Variants in NXPH2 observed in about 807,000 individuals in gnomAD.
NXPH2 encodes the protein neurexophilin-2.
In NXPH2, 5 loss-of-function variants were observed where a neutral mutation model predicts 19.8. The ratio of observed to expected loss-of-function variants is 0.25; its 90% CI spans 0.13 to 0.53. NXPH2 has a LOEUF of 0.53. NXPH2 is among the 20% of genes least tolerant of loss of function. The pLI, the probability that NXPH2 is intolerant of heterozygous loss-of-function variation, is 0.96. For missense variants in NXPH2, 289 were observed against 322.8 expected (o/e 0.90, Z 0.80); for synonymous variants, 154 against 127.4 (o/e 1.21, Z -1.41).
chr2:138,734,047 C>T (rs1162572179), intron 1 of NXPH2, among the ~76,000 whole-genome samples: 2 of 152,144 alleles, frequency 1.3e-5, no homozygotes, highest in Admixed American at 1.3e-4. Flanking sequence ...TAGTTCAAGA[C>T]CTGTCTGGCC....
intron 1 of NXPH2, among the ~76,000 whole-genome samples, chr2:138,736,947 A>G (rs943689052): frequency 1.3e-5 from 2 of 152,176 alleles, no homozygotes; most frequent in African/African-American, 4.8e-5. Flanking sequence ...TCCAGTTCCC[A>G]ACAAGTTCCT....
At chr2:138,772,000 C>A (rs1406625047) in intron 1 of NXPH2, among the ~76,000 whole-genome samples, 1 of 152,170 alleles carries the variant, frequency 6.6e-6, no homozygotes, top group African/African-American at 2.4e-5. Context: ...TATTAATGCT[C>A]TCAAATTCTA....
chr2:138,688,355 A>G (rs1270435994), intron 1 of NXPH2, among the ~76,000 whole-genome samples: 1 of 151,932 alleles, frequency 6.6e-6, no homozygotes, highest in Non-Finnish European at 1.5e-5. Context: ...AACTTTTTGT[A>G]TTTTTTAGTA....
rs571120205 is a variant in NXPH2 at position 138,684,898 on chromosome 2, C to A, written c.52-13233G>T. Among the ~76,000 whole-genome samples, 21 of 152,318 alleles carry A rather than the reference C, an allele frequency of 1.4e-4. 1 individual carries two copies. The highest frequency in any genetic ancestry group is 5.1e-4 in the African/African-American group (21 of 41,578). On this transcript the variant is annotated intron_variant, in intron 1 of 1. Transcript: ENST00000272641. ...TACTGGCAGTATAAAATTTTCAAAA[C>A]TTTTTCAGTCTCCTGTGAAATTCAT... is the stretch of plus-strand genomic sequence containing the variant.
chr2:138,711,738 T>G (rs1681108444), intron 1 of NXPH2, among the ~76,000 whole-genome samples: 1 of 152,214 alleles, frequency 6.6e-6, no homozygotes, highest in Non-Finnish European at 1.5e-5. Flanking sequence ...CTCCAGCTCC[T>G]GACTGCCCAT....
intron 1 of NXPH2, among the ~76,000 whole-genome samples, chr2:138,741,143 C>T (rs536028315): frequency 1.3e-5 from 2 of 152,186 alleles, no homozygotes; most frequent in African/African-American, 4.8e-5. Flanking sequence ...GGAATGAAAA[C>T]ACCTTTGTCT....
chr2:138,713,366 T>C (rs1681134946), intron 1 of NXPH2, among the ~76,000 whole-genome samples: 1 of 152,166 alleles, frequency 6.6e-6, no homozygotes, highest in Non-Finnish European at 1.5e-5. Flanking sequence ...ACAGATTATT[T>C]GTCCCCCAGC....
At chr2:138,718,988 T>A (rs1305815071) in intron 1 of NXPH2, among the ~76,000 whole-genome samples, 4 of 152,138 alleles carry the variant, frequency 2.6e-5, no homozygotes, top group African/African-American at 9.7e-5. Flanking sequence ...GAGGAAAATG[T>A]AATGTAAATT....
chr2:138,701,777 T>C (rs1469775755), intron 1 of NXPH2, among the ~76,000 whole-genome samples: 2 of 152,196 alleles, frequency 1.3e-5, no homozygotes, highest in Non-Finnish European at 2.9e-5. Flanking sequence ...GTACAAATCA[T>C]AAAGCAGTGT....
At chr2:138,710,437 TGC>T (rs1324334554) in intron 1 of NXPH2, among the ~76,000 whole-genome samples, 1 of 152,178 alleles carries the variant, frequency 6.6e-6, no homozygotes, top group African/African-American at 2.4e-5. Flanking sequence ...GGAGAGGAAT[TGC>T]TGAGTTATAT....
intron 1 of NXPH2, among the ~76,000 whole-genome samples, chr2:138,774,792 T>C (rs1558934604): frequency 6.6e-6 from 1 of 152,212 alleles, no homozygotes; most frequent in African/African-American, 2.4e-5. Flanking sequence ...GAACAAATAT[T>C]TGTTGAATGT....
intron 1 of NXPH2, among the ~76,000 whole-genome samples, chr2:138,721,209 T>C (rs6710448): frequency 0.79 from 119,962 of 151,778 alleles, 48,542 homozygotes; most frequent in East Asian, 0.96. Flanking sequence ...GACGTGGTGG[T>C]CTGCACCTGT....
At chr2:138,767,063 C>A (rs2104842088) in intron 1 of NXPH2, among the ~76,000 whole-genome samples, 1 of 152,268 alleles carries the variant, frequency 6.6e-6, no homozygotes, top group East Asian at 1.9e-4. Flanking sequence ...TCTTGTATTA[C>A]CTTCACCTCC....
Position 138,671,302 on chromosome 2 carries a change from T to G in NXPH2, c.415A>C (p.Asn139His), listed in dbSNP as rs1464521383. 1 of 1,613,754 alleles carries G rather than the reference T, an allele frequency of 6.2e-7. No individual in the cohort carries two copies. Among genetic ancestry groups the G allele is most frequent in the African/African-American group, 1.3e-5 (1 of 74,926 alleles). ...LITGKIVDHG[N>H]GTFSVYFRHN... ...CGGAAATACACACTGAAGGTTCCAT[T>G]TCCATGGTCAACAATTTTCCCTGTG... Residue 139 changes from asparagine (N) to histidine (H), a missense_variant, in exon 2 of 2, where the codon AAT becomes CAT. By Grantham distance (68) the Asn-to-His change is moderately conservative. Transcript: ENST00000272641.
At chr2:138,680,957 C>T (rs1680571621) in intron 1 of NXPH2, among the ~76,000 whole-genome samples, 1 of 152,122 alleles carries the variant, frequency 6.6e-6, no homozygotes, top group South Asian at 2.1e-4. Flanking sequence ...TAAACAGGCT[C>T]CGATGTTCAG....
intron 1 of NXPH2, among the ~76,000 whole-genome samples, chr2:138,717,375 G>A (rs1194867092): frequency 6.6e-6 from 1 of 151,520 alleles, no homozygotes; most frequent in Non-Finnish European, 1.5e-5. Flanking sequence ...CCATAAACCA[G>A]GTAACTTATA....
chr2:138,780,075 C>A (rs1573988529), intron 1 of NXPH2, 116 bp downstream of exon 1: 1 of 1,057,744 alleles, frequency 9.5e-7, no homozygotes, highest in East Asian at 3.2e-5. Context: ...CCTCCGCGCG[C>A]CCCCAACCCC....
intron 1 of NXPH2, among the ~76,000 whole-genome samples, chr2:138,756,350 C>T (rs1029724338): frequency 6.6e-6 from 1 of 151,824 alleles, no homozygotes; most frequent in Non-Finnish European, 1.5e-5. Context: ...AGAAACCACA[C>T]TTACTCTAAG....
chr2:138,699,894 A>G (rs1680893951), intron 1 of NXPH2, among the ~76,000 whole-genome samples: 2 of 152,234 alleles, frequency 1.3e-5, no homozygotes, highest in Admixed American at 6.5e-5. Flanking sequence ...AGATTAGGAT[A>G]TAAGTCGAGG....
Sources: allele counts gnomAD v4.1 joint callset (sites outside exome capture counted in the v4.1 genomes callset), GRCh38; gene constraint gnomAD v4.1.1; transcripts MANE v1.5; gene names NCBI Gene and HGNC (gene_info 2026-07-23, HGNC 2026-07-21).